HBP1: variants seen among roughly 807,000 people sequenced by gnomAD.
The protein encoded by HBP1 is HMG box-containing protein 1.
HBP1 carries 20 observed loss-of-function variants against 62.6 expected under a neutral mutation model. The observed-to-expected ratio is 0.32, with a 90% CI of 0.22 to 0.46. HBP1 has a LOEUF of 0.46. Among genes scored for constraint, HBP1 ranks in the 20% least tolerant of loss-of-function variants. The pLI is 1.00. For synonymous variants in HBP1, 232 were observed against 206.2 expected, an observed-to-expected ratio of 1.12 and a Z score of -1.07; for missense variants, 480 against 611.8, an observed-to-expected ratio of 0.78 and a Z score of 2.27.
chr7:107,196,259 T>A, intron 9 of HBP1, 108 bp downstream of exon 9: 1 of 779,836 alleles, frequency 1.3e-6, no homozygotes, highest in Non-Finnish European at 2.2e-6. Flanking sequence ...TTTATTCAAC[T>A]CTTAGGTTGA....
At chr7:107,181,660 T>A (rs898316242) in intron 2 of HBP1, among the ~76,000 whole-genome samples, 3 of 149,660 alleles carry the variant, frequency 2.0e-5, no homozygotes, top group Non-Finnish European at 4.5e-5. Flanking sequence ...CGTGGAGAGT[T>A]TTTTTTTTTA....
intron 8 of HBP1, 152 bp from the exon 9 acceptor site, chr7:107,195,682 G>A (rs1797863967): frequency 4.8e-6 from 2 of 417,220 alleles, no homozygotes; most frequent in African/African-American, 2.1e-5. Flanking sequence ...ACTATCAGTG[G>A]CAAAAGTTGT....
rs1339681146 is a variant in HBP1, at chr7:107,182,566, A to T, written c.363A>T (p.Pro121=). The T allele has an allele frequency of 1.2e-6, 2 of 1,608,168 alleles. No homozygotes were observed. The highest frequency in any genetic ancestry group is 1.7e-6 in the Non-Finnish European group (2 of 1,174,694). Residue 121 remains proline, a synonymous_variant, in exon 3 of 11, where the codon CCA becomes CCT. Coordinates refer to ENST00000222574, the MANE Select transcript of HBP1 (RefSeq NM_012257.4). ...LTELANIATS[P]QSPLMQCSFY... is the part of the protein sequence containing the mutation. ...AATTGGCAAATATCGCGACCAGTCC[A>T]CAAAGTCCACTGATGCAGTGCTCAT...
rs1022152894 is a variant in HBP1, at chr7:107,201,596, T to C, written c.*165T>C. On this transcript the variant is annotated 3_prime_UTR_variant, in exon 11 of 11. Transcript: ENST00000222574. ...TTTAATAATATGAGTGAGGATTTGC[T>C]TTCTCCATTAGAGCATTAAGCTAAA... 2 of 458,478 alleles carry C rather than the reference T, an allele frequency of 4.4e-6. No homozygotes were observed. Among genetic ancestry groups the C allele is most frequent in the Non-Finnish European group, 8.0e-6 (2 of 250,424 alleles). 28.4% of individuals were successfully genotyped at this position (458,478 alleles called of 1,614,324 possible).
intron 2 of HBP1, among the ~76,000 whole-genome samples, chr7:107,181,010 G>A (rs1016669437): frequency 6.6e-6 from 1 of 152,150 alleles, no homozygotes; most frequent in Admixed American, 6.5e-5. Context: ...ACCCTTTGCA[G>A]TAAATAAATG....
At chr7:107,171,085 T>TG (rs1796567365) in intron 1 of HBP1, among the ~76,000 whole-genome samples, 1 of 131,020 alleles carries the variant, frequency 7.6e-6, no homozygotes, top group Non-Finnish European at 1.6e-5. Flanking sequence ...TTTTTTTTTT[T>TG]TTTGAGAGGG....
chr7:107,172,971 A>G (rs1278035832), intron 1 of HBP1, among the ~76,000 whole-genome samples: 1 of 152,326 alleles, frequency 6.6e-6, no homozygotes, highest in African/African-American at 2.4e-5. Flanking sequence ...GGGCCATGAA[A>G]GTGGTAAGTG....
chr7:107,181,960 G>T lies in HBP1; in HGVS notation c.170-413G>T, dbSNP rs113306613. On this transcript the variant is annotated intron_variant, in intron 2 of 10. Transcript: ENST00000222574. Reference sequence around the variant, plus strand: ...CAAGTTCAGAATTTATTAGTAAAAAGAAATACTTTAACACAGAGTTGTGTA... The same window carrying T: ...CAAGTTCAGAATTTATTAGTAAAAATAAATACTTTAACACAGAGTTGTGTA... Among the ~76,000 whole-genome samples the T allele has an allele frequency of 6.6e-5, 10 of 152,058 alleles. 3 individuals carry two copies. Among genetic ancestry groups the T allele is most frequent in the African/African-American group, 2.4e-4 (10 of 41,466 alleles).
At chr7:107,169,883 C>G in intron 1 of HBP1, 2 of 985,556 alleles carry the variant, frequency 2.0e-6, no homozygotes, top group Non-Finnish European at 2.4e-6. Flanking sequence ...CGGGAGGCAC[C>G]GCTCTGTGTG....
chr7:107,185,927 A>G lies in HBP1; in HGVS notation c.525A>G (p.Pro175=), dbSNP rs1244836138. The G allele has an allele frequency of 2.5e-6, 4 of 1,613,022 alleles. No homozygotes were observed. Among genetic ancestry groups the G allele is most frequent in the East Asian group, 2.2e-5 (1 of 44,852 alleles). ...ATCACCATTGGAAGGAGGAAACACC[A>G]GTAAGACACGAAAGGGTAAGTTTAT... ...FPHHHWKEET[P]VRHERANSES... Residue 175 remains proline, a synonymous_variant, in exon 4 of 11, where the codon CCA becomes CCG. Transcript: ENST00000222574.
At chr7:107,192,572 CATTT>C (rs1182322757) in intron 8 of HBP1, 1 of 152,080 alleles carries the variant, frequency 6.6e-6, no homozygotes, top group African/African-American at 2.4e-5. Flanking sequence ...TGGGTTCACT[CATTT>C]ATTTGTATGC....
At chr7:107,169,913 C>T in intron 1 of HBP1, 1 of 985,458 alleles carries the variant, frequency 1.0e-6, no homozygotes, top group Non-Finnish European at 1.2e-6. Flanking sequence ...GGAGGCTTGG[C>T]AGGCGATTCC....
intron 1 of HBP1, among the ~76,000 whole-genome samples, chr7:107,176,700 ATTTT>A (rs10713097): frequency 7.7e-6 from 1 of 129,942 alleles, no homozygotes; most frequent in Admixed American, 7.9e-5. Context: ...AATTTGCTCC[ATTTT>A]TTTTTTTTTT....
intron 1 of HBP1, among the ~76,000 whole-genome samples, chr7:107,173,827 G>A (rs868232595): frequency 1.4e-4 from 22 of 152,188 alleles, no homozygotes; most frequent in Non-Finnish European, 3.1e-4. Context: ...GATGACATGT[G>A]CAGAGTTAAC....
chr7:107,193,483 G>T (rs2115959291), intron 8 of HBP1, among the ~76,000 whole-genome samples: 1 of 152,204 alleles, frequency 6.6e-6, no homozygotes, highest in Non-Finnish European at 1.5e-5. Flanking sequence ...GCCAGCCTCT[G>T]CCCTGTGTCT....
chr7:107,197,645 C>A (rs142572217), intron 9 of HBP1, among the ~76,000 whole-genome samples: 2 of 152,324 alleles, frequency 1.3e-5, no homozygotes, highest in South Asian at 4.1e-4. Flanking sequence ...GCTGGGATTA[C>A]AGGCATGAGC....
At chr7:107,190,364 CCT>C (rs749123410) in intron 8 of HBP1, 47 bp downstream of exon 8, 1 of 1,288,244 alleles carries the variant, frequency 7.8e-7, no homozygotes, top group Non-Finnish European at 1.1e-6. Context: ...TAAAGTTTGC[CCT>C]TCATTTCCCT....
intron 1 of HBP1, chr7:107,173,497 T>C (rs888509326): frequency 1.3e-5 from 2 of 152,250 alleles, no homozygotes. Flanking sequence ...TTAGTCATCA[T>C]AGTCCTGTTT....
chr7:107,186,166 C>CTTTTTTTTTTTTTTTTTTTT (rs80124304), intron 4 of HBP1, among the ~76,000 whole-genome samples, 195 bp from the exon 5 acceptor site: 3 of 116,120 alleles, frequency 2.6e-5, no homozygotes, highest in Non-Finnish European at 3.6e-5. Context: ...CTTTTTTTTT[C>CTTTTTTTTTTTTTTTTTTTT]TTTTTTTTTT....
Sources: gnomAD v4.1 joint callset for allele counts (sites outside exome capture counted in the v4.1 genomes callset) on GRCh38, gnomAD v4.1.1 for gene constraint, MANE v1.5 for transcripts, NCBI Gene and HGNC (gene_info 2026-07-23, HGNC 2026-07-21) for gene names.